GNB1: variants seen among roughly 807,000 people sequenced by gnomAD.
GNB1 encodes G protein subunit beta 1, also known as guanine nucleotide-binding protein G(I)/G(S)/G(T) subunit beta-1.
A neutral mutation model predicts 42.9 loss-of-function variants in GNB1; 2 were observed. The observed-to-expected ratio is 0.05, with a 90% CI of 0.02 to 0.15. The LOEUF is 0.15. GNB1 is among the 10% of genes least tolerant of loss of function. GNB1 has a pLI of 1.00. For missense variants in GNB1, 193 were observed against 462.2 expected (o/e 0.42, Z 5.34); for synonymous variants, 183 against 174.7 (o/e 1.05, Z -0.38).
intron 3 of GNB1, among the ~76,000 whole-genome samples, chr1:1,821,770 A>C (rs1646932986): frequency 1.3e-5 from 2 of 152,246 alleles, no homozygotes; most frequent in African/African-American, 2.4e-5. Flanking sequence ...GGACAAAAAC[A>C]GTGTCAAATA....
intron 1 of GNB1, among the ~76,000 whole-genome samples, chr1:1,865,302 A>C (rs1438517713): frequency 2.8e-5 from 4 of 145,100 alleles, no homozygotes; most frequent in Non-Finnish European, 4.5e-5. Context: ...AAAAAAAAAA[A>C]CAGGCAACAC....
chr1:1,857,945 G>A (rs760199268), intron 1 of GNB1, among the ~76,000 whole-genome samples: 11 of 152,140 alleles, frequency 7.2e-5, no homozygotes, highest in East Asian at 1.9e-4. Context: ...GTACTGTACC[G>A]TGATATTTTA....
chr1:1,885,935 C>A (rs369493958), intron 1 of GNB1, among the ~76,000 whole-genome samples: 7 of 149,486 alleles, frequency 4.7e-5, no homozygotes, highest in African/African-American at 1.5e-4. Flanking sequence ...CCACTGAAAG[C>A]CAGGAGTAAT....
intron 1 of GNB1, among the ~76,000 whole-genome samples, chr1:1,882,858 T>C (rs1174681964): frequency 3.4e-5 from 5 of 148,814 alleles, no homozygotes; most frequent in Non-Finnish European, 5.9e-5. Flanking sequence ...GAGGTGGAGG[T>C]TGCAGTGAGC....
At chr1:1,811,211 G>GCC (rs1646773912) in intron 5 of GNB1, among the ~76,000 whole-genome samples, 1 of 151,502 alleles carries the variant, frequency 6.6e-6, no homozygotes, top group African/African-American at 2.4e-5. Context: ...TCAGCCTCTT[G>GCC]AGTGCAGCTG....
chr1:1,801,674 C>T (rs563117502), intron 7 of GNB1, among the ~76,000 whole-genome samples: 5 of 152,034 alleles, frequency 3.3e-5, no homozygotes, highest in Non-Finnish European at 5.9e-5. Context: ...CCAGGCCAGG[C>T]GTGGTGGCTC....
chr1:1,817,732 T>C, intron 4 of GNB1, 105 bp downstream of exon 4: 1 of 732,082 alleles, frequency 1.4e-6, no homozygotes. Context: ...GCATCCTCAC[T>C]GCGCAACAGA....
At chr1:1,817,951 C>CA (rs1646879172) in intron 3 of GNB1, 76 bp from the exon 4 acceptor site, 40 of 1,140,612 alleles carry the variant, frequency 3.5e-5, no homozygotes, top group Non-Finnish European at 4.8e-5. Context: ...ACCAAAGTTT[C>CA]AAAGAGAGCT....
intron 7 of GNB1, among the ~76,000 whole-genome samples, chr1:1,794,796 T>A (rs2100566702): frequency 6.6e-6 from 1 of 152,240 alleles, no homozygotes; most frequent in East Asian, 1.9e-4. Flanking sequence ...GTCAAGCGAT[T>A]CTCCTGCCTC....
At chr1:1,844,675 A>G (rs767830862) in intron 1 of GNB1, among the ~76,000 whole-genome samples, 58 of 152,240 alleles carry the variant, frequency 3.8e-4, no homozygotes, top group Non-Finnish European at 6.2e-4. Context: ...TGGGAAACAC[A>G]TAAGTGCACC....
intron 1 of GNB1, among the ~76,000 whole-genome samples, chr1:1,887,527 T>C (rs1650223249): frequency 6.6e-6 from 1 of 152,202 alleles, no homozygotes; most frequent in East Asian, 1.9e-4. Flanking sequence ...CTTTGAGAAA[T>C]AAATTAACTT....
chr1:1,890,792 G>A (rs978346265), intron 1 of GNB1, 28 bp downstream of exon 1: 2 of 148,544 alleles, frequency 1.3e-5, no homozygotes, highest in African/African-American at 4.9e-5. Context: ...CAGGACCCGG[G>A]TCCGGGGCTG....
intron 1 of GNB1, among the ~76,000 whole-genome samples, chr1:1,868,616 A>G (rs551928400): frequency 1.2e-4 from 19 of 152,148 alleles, no homozygotes; most frequent in Admixed American, 9.2e-4. Flanking sequence ...CCCCGTCTCT[A>G]CTAAAAATAC....
intron 1 of GNB1, among the ~76,000 whole-genome samples, chr1:1,855,485 A>C (rs544633817): frequency 8.5e-5 from 13 of 152,184 alleles, no homozygotes; most frequent in African/African-American, 3.1e-4. Context: ...GCGGATCACA[A>C]GGTCAGGAGA....
At chr1:1,818,119 T>G in intron 3 of GNB1, 2 of 365,620 alleles carry the variant, frequency 5.5e-6, no homozygotes, top group African/African-American at 2.1e-5. Flanking sequence ...CAGCACAATA[T>G]TCCTGGGGAC....
Position 1,790,728 on chromosome 1 carries a change from A to ATT in GNB1, c.498-134_498-133dup. On this transcript the variant is annotated intron_variant, in intron 8 of 11. Transcript: ENST00000378609. This position sits in a 1 kb window ranked among gnomAD's most constrained non-coding sequence, Gnocchi z 5.4. ...CTGCACTGTTACTTTAAAAACGTAAATTGTTTAAAGACAAATTTAAATGTA... is the reference window on the plus strand; with the variant it reads ...CTGCACTGTTACTTTAAAAACGTAAATTTTGTTTAAAGACAAATTTAAATGTA... 2 of 634,328 alleles carry ATT rather than the reference A, an allele frequency of 3.2e-6. No individual in the cohort carries two copies. 39.3% of individuals were successfully genotyped at this position (634,328 alleles called of 1,614,324 possible). A position where few individuals can be genotyped will look rare whatever the true frequency, so the allele number is the denominator to read the frequency against.
rs372006136 is a variant in GNB1, at chr1:1,854,161, T to C, written c.-95-14923A>G. Among the ~76,000 whole-genome samples, 14 of 152,292 alleles carry C rather than the reference T, an allele frequency of 9.2e-5. No homozygotes were observed. In the East Asian group the frequency reaches 2.3e-3, roughly 25 times the overall value. On this transcript the variant is annotated intron_variant, in intron 1 of 11. Transcript: ENST00000378609. ...ATTTTGATACATCAACTGCTATCCA[T>C]TGCTAAGGAAACATAAAACTACGTA... is the stretch of plus-strand genomic sequence containing the variant.
chr1:1,848,685 A>G (rs759171906), intron 1 of GNB1, among the ~76,000 whole-genome samples: 6 of 152,226 alleles, frequency 3.9e-5, no homozygotes, highest in Non-Finnish European at 8.8e-5. Flanking sequence ...TTTGACTGCT[A>G]TCGGTAAGGC....
chr1:1,825,967 G>T (rs1646992732), intron 2 of GNB1, among the ~76,000 whole-genome samples: 1 of 152,046 alleles, frequency 6.6e-6, no homozygotes, highest in African/African-American at 2.4e-5. Context: ...AGTAGGGCCA[G>T]GTAAATAAAA....
Sources: gnomAD v4.1 joint callset for allele counts (sites outside exome capture counted in the v4.1 genomes callset) on GRCh38, gnomAD v4.1.1 for gene constraint, Gnocchi (gnomAD v3.1) non-coding constraint, MANE v1.5 for transcripts, NCBI Gene and HGNC (gene_info 2026-07-23, HGNC 2026-07-21) for gene names.